NELL2: variants seen among roughly 807,000 people sequenced by gnomAD.
The protein encoded by NELL2 is protein kinase C-binding protein NELL2.
NELL2 carries 41 observed loss-of-function variants against 109.6 expected under a neutral mutation model. The ratio of observed to expected loss-of-function variants is 0.37; its 90% CI spans 0.29 to 0.49. NELL2 has a LOEUF of 0.49. Among genes scored for constraint, NELL2 ranks in the 20% least tolerant of loss-of-function variants. NELL2 has a pLI of 0.98. For synonymous variants in NELL2, 355 were observed against 344.7 expected, an observed-to-expected ratio of 1.03 and a Z score of -0.33; for missense variants, 900 against 1,008.3, an observed-to-expected ratio of 0.89 and a Z score of 1.45.
chr12:44,830,935 A>C (rs1198500883), intron 2 of NELL2, among the ~76,000 whole-genome samples: 1 of 151,892 alleles, frequency 6.6e-6, no homozygotes, highest in Non-Finnish European at 1.5e-5. Context: ...ATTTTGCTTT[A>C]AAAGTGTCAG....
At chr12:44,574,870 C>G (rs1944013869) in intron 15 of NELL2, among the ~76,000 whole-genome samples, 1 of 152,168 alleles carries the variant, frequency 6.6e-6, no homozygotes, top group Admixed American at 6.5e-5. Context: ...ATCACAACCT[C>G]AAATGCATCT....
chr12:44,838,022 T>A (rs796782377), intron 2 of NELL2, among the ~76,000 whole-genome samples: 28 of 152,298 alleles, frequency 1.8e-4, no homozygotes, highest in African/African-American at 6.0e-4. Context: ...AATCCTTGAT[T>A]GTAATGTTGC....
At chr12:44,832,931 C>T (rs1943931281) in intron 2 of NELL2, among the ~76,000 whole-genome samples, 1 of 152,136 alleles carries the variant, frequency 6.6e-6, no homozygotes, top group Non-Finnish European at 1.5e-5. Context: ...CTGACAGGTA[C>T]AATGGTAATA....
At position 44,811,997 on chromosome 12, in the gene NELL2, C is replaced by A. The variant is rs574817550; in HGVS notation, c.335+3989G>T. Among the ~76,000 whole-genome samples the A allele has an allele frequency of 4.2e-3, 640 of 152,146 alleles. 5 individuals are homozygous for A. Among genetic ancestry groups the A allele is most frequent in the African/African-American group, 0.014 (582 of 41,488 alleles). On this transcript the variant is annotated intron_variant, in intron 3 of 19. Transcript: ENST00000429094. ...CCACCCCATCTTCCCCCCAAAAAAACCCAGAAAAATAAGCATCCTTCAGCA... is the reference window on the plus strand; with the variant it reads ...CCACCCCATCTTCCCCCCAAAAAAAACCAGAAAAATAAGCATCCTTCAGCA...
chr12:44,823,386 T>C (rs555975113), intron 2 of NELL2, among the ~76,000 whole-genome samples: 2 of 152,192 alleles, frequency 1.3e-5, no homozygotes, highest in African/African-American at 2.4e-5. Flanking sequence ...TTCACTAATA[T>C]CTCCCATTTT....
intron 1 of NELL2, among the ~76,000 whole-genome samples, chr12:44,900,177 C>A (rs558866954): frequency 2.3e-4 from 35 of 152,066 alleles, no homozygotes; most frequent in South Asian, 1.2e-3. Flanking sequence ...ACTGTAACAC[C>A]CCACTCTCAA....
chr12:44,742,421 G>C (rs376042681), intron 9 of NELL2, among the ~76,000 whole-genome samples: 1 of 152,206 alleles, frequency 6.6e-6, no homozygotes, highest in African/African-American at 2.4e-5. Flanking sequence ...CCAAAGGAAC[G>C]CAGCTCCTCA....
chr12:44,512,625 G>A (rs1460497248), intron 19 of NELL2, among the ~76,000 whole-genome samples: 1 of 152,004 alleles, frequency 6.6e-6, no homozygotes, highest in Non-Finnish European at 1.5e-5. Context: ...TATCCACAAT[G>A]GAATACCATC....
intron 13 of NELL2, among the ~76,000 whole-genome samples, chr12:44,648,866 G>C (rs1339934080): frequency 6.8e-6 from 1 of 147,848 alleles, no homozygotes; most frequent in Non-Finnish European, 1.5e-5. Flanking sequence ...TTCCCAAGTA[G>C]CTGGGATTAC....
intron 2 of NELL2, among the ~76,000 whole-genome samples, chr12:44,828,497 CATT>C (rs1193463339): frequency 5.3e-5 from 8 of 152,146 alleles, no homozygotes; most frequent in Non-Finnish European, 7.4e-5. Context: ...CTTCATGTAT[CATT>C]AACAAAATGT....
At chr12:44,909,943 T>C (rs1945761124) in intron 1 of NELL2, among the ~76,000 whole-genome samples, 1 of 151,850 alleles carries the variant, frequency 6.6e-6, no homozygotes, top group Non-Finnish European at 1.5e-5. Flanking sequence ...AATAATGAAA[T>C]TGGACCCTTA....
chr12:44,617,687 G>A (rs1470850623), intron 13 of NELL2, among the ~76,000 whole-genome samples: 52 of 22,544 alleles, frequency 2.3e-3, no homozygotes, highest in Non-Finnish European at 2.7e-3. Context: ...GCGAGACTCC[G>A]TCTCAAAAAA....
intron 15 of NELL2, among the ~76,000 whole-genome samples, chr12:44,555,530 G>A (rs1452297582): frequency 6.6e-6 from 1 of 152,110 alleles, no homozygotes; most frequent in Non-Finnish European, 1.5e-5. Flanking sequence ...CTACTTCAAA[G>A]ACCCACTGCT....
chr12:44,605,495 G>A lies in NELL2; in HGVS notation c.1663+1674C>T, dbSNP rs1945365530. On this transcript the variant is annotated intron_variant, in intron 15 of 19. Coordinates refer to ENST00000429094, the MANE Select transcript of NELL2 (RefSeq NM_001145108.2). The stretch of plus-strand genomic sequence containing the variant: ...GTCTTCTTACAGACTGAAGGTTCAA[G>A]TATAATGAAATAGAGATAGCTACAT... Among the ~76,000 whole-genome samples the A allele has an allele frequency of 2.0e-5, 3 of 152,268 alleles. No homozygotes were observed. The South Asian group carries it at 6.2e-4, about 32-fold the overall frequency.
intron 3 of NELL2, 68 bp from the exon 4 acceptor site, chr12:44,780,090 T>C (rs769830513): frequency 8.3e-5 from 128 of 1,533,986 alleles, no homozygotes; most frequent in Non-Finnish European, 1.1e-4. Context: ...GTGATCTCTG[T>C]CTACGGGATG....
Position 44,779,983 on chromosome 12 carries a change from G to C in NELL2, c.375C>G (p.Val125=). 1 of 1,613,790 alleles carries C rather than the reference G, an allele frequency of 6.2e-7. No homozygotes were observed. Among genetic ancestry groups the C allele is most frequent in the Non-Finnish European group, 8.5e-7 (1 of 1,179,766 alleles). ...GACTGCCTGAGCGGTAATGCAGTCTGACTTCATTCCGATGGCCACTACTTT... is the reference window on the plus strand; with the variant it reads ...GACTGCCTGAGCGGTAATGCAGTCTCACTTCATTCCGATGGCCACTACTTT... ...ELESSGHRNE[V]RLHYRSGSHR... The change falls in exon 4 of 20, where the codon GTC becomes GTG. Residue 125 remains valine, a synonymous_variant. Transcript: ENST00000429094.
chr12:44,853,979 A>C (rs931752589), intron 2 of NELL2, among the ~76,000 whole-genome samples: 2 of 152,190 alleles, frequency 1.3e-5, no homozygotes, highest in Non-Finnish European at 2.9e-5. Flanking sequence ...ACAATCCATC[A>C]GTCTCCAGGA....
intron 13 of NELL2, among the ~76,000 whole-genome samples, chr12:44,617,647 C>A (rs1271142100): frequency 2.2e-5 from 2 of 91,106 alleles, no homozygotes; most frequent in South Asian, 2.8e-4. Flanking sequence ...AGCCGAGATC[C>A]CGCCACTGCA....
intron 3 of NELL2, among the ~76,000 whole-genome samples, chr12:44,814,923 T>C (rs542967284): frequency 8.9e-4 from 135 of 152,298 alleles, no homozygotes; most frequent in African/African-American, 3.2e-3. Context: ...TCATTAAAGT[T>C]TTTATATAGG....
Sources: allele counts gnomAD v4.1 joint callset (sites outside exome capture counted in the v4.1 genomes callset), GRCh38; gene constraint gnomAD v4.1.1; transcripts MANE v1.5; gene names NCBI Gene and HGNC (gene_info 2026-07-23, HGNC 2026-07-21).